The following CLEC4A variants were observed in gnomAD, a reference collection of about 807,000 sequenced individuals.
CLEC4A encodes the protein C-type (calcium dependent, carbohydrate-recognition domain) lectin, superfamily member 6.
A neutral mutation model predicts 32.7 loss-of-function variants in CLEC4A; 27 were observed. The observed-to-expected ratio is 0.83, with a 90% CI of 0.61 to 1.14. CLEC4A has a LOEUF of 1.14. Ranked by LOEUF, CLEC4A falls within the 50% of genes most tolerant of loss-of-function variation. CLEC4A has a pLI of 0.00. For synonymous variants in CLEC4A, 89 were observed against 93.7 expected (o/e 0.95, Z 0.29); for missense variants, 253 against 274.6 (o/e 0.92, Z 0.55).
intron 1 of CLEC4A, among the ~76,000 whole-genome samples, chr12:8,124,562 G>A (rs1443307583): frequency 6.6e-6 from 1 of 152,154 alleles, no homozygotes; most frequent in Non-Finnish European, 1.5e-5. Context: ...TTACGTTTGG[G>A]AGTAGATGCA....
At chr12:8,128,930 C>A (rs1785645986) in intron 2 of CLEC4A, among the ~76,000 whole-genome samples, 1 of 152,154 alleles carries the variant, frequency 6.6e-6, no homozygotes, top group Non-Finnish European at 1.5e-5. Flanking sequence ...TCCAAAGTCC[C>A]AGGGTGCGCA....
chr12:8,108,957 T>A, the CLEC4A span, among the ~76,000 whole-genome samples: 1 of 152,326 alleles, frequency 6.6e-6, no homozygotes, highest in East Asian at 1.9e-4. Flanking sequence ...AAGCACTTTG[T>A]GTCAGTGCTG....
chr12:8,120,883 G>A (rs139279138), upstream of CLEC4A: 7 of 152,218 alleles, frequency 4.6e-5, no homozygotes, highest in Non-Finnish European at 1.0e-4. Flanking sequence ...TGTAGACAAA[G>A]TATATTTCCC....
At chr12:8,108,404 C>T in the CLEC4A span, among the ~76,000 whole-genome samples, 1 of 152,144 alleles carries the variant, frequency 6.6e-6, no homozygotes, top group African/African-American at 2.4e-5. Flanking sequence ...GCACTTTGCT[C>T]ATGTTTTAGT....
rs369441210 is a variant in CLEC4A, at chr12:8,135,343, G to C, written c.299-242G>C. 2.9e-3 allele frequency among the ~76,000 whole-genome samples: 443 copies of C among 151,916 alleles called. 1 individual carries two copies. The highest frequency in any genetic ancestry group is 3.6e-3 in the Non-Finnish European group (243 of 67,960). On this transcript the variant is annotated intron_variant, in intron 3 of 5. Transcript: ENST00000229332. ...CTGGATCTTATTTAAACATGTTTTCGTAATAGCTGGGCTTTTCAGATGGCA... is the reference window on the plus strand; with the variant it reads ...CTGGATCTTATTTAAACATGTTTTCCTAATAGCTGGGCTTTTCAGATGGCA...
chr12:8,111,644 G>T, the CLEC4A span, among the ~76,000 whole-genome samples: 2 of 152,040 alleles, frequency 1.3e-5, no homozygotes, highest in Admixed American at 6.5e-5. Context: ...CTTATGTTTA[G>T]TTTATGTTTA....
At chr12:8,134,613 G>A in intron 3 of CLEC4A, 2 of 1,611,766 alleles carry the variant, frequency 1.2e-6, no homozygotes, top group Non-Finnish European at 1.7e-6. Context: ...CCCCACTCCA[G>A]TCTGAGGCCC....
Position 8,134,979 on chromosome 12 carries a change from G to GTTTTGTT in CLEC4A, c.299-602_299-601insGTTTTTT, listed in dbSNP as rs1948073835. On this transcript the variant is annotated intron_variant, in intron 3 of 5. Coordinates refer to ENST00000229332, the MANE Select transcript of CLEC4A (RefSeq NM_016184.4). ...TGTATCTTCTTGTTGAAGCGTTTTTGTTTTTTGTTTTTTTTTAATCATGGC... is the reference window on the plus strand; with the variant it reads ...TGTATCTTCTTGTTGAAGCGTTTTTGTTTTGTTTTTTTTGTTTTTTTTTAATCATGGC... 3.1e-4 allele frequency: 51 copies of GTTTTGTT among 165,982 alleles called. 3 individuals carry two copies. In the East Asian group the frequency reaches 4.1e-3, roughly 13 times the overall value. 10.3% of individuals were successfully genotyped at this position (165,982 alleles called of 1,614,324 possible). A position where few individuals can be genotyped will look rare whatever the true frequency, so the allele number is the denominator to read the frequency against.
At chr12:8,131,840 C>A (rs201693223) in intron 3 of CLEC4A, among the ~76,000 whole-genome samples, 100 of 125,354 alleles carry the variant, frequency 8.0e-4, no homozygotes, top group South Asian at 4.6e-3. Flanking sequence ...ATATATATAT[C>A]TCTTCAACTT....
chr12:8,134,677 C>G, intron 3 of CLEC4A: 1 of 1,581,414 alleles, frequency 6.3e-7, no homozygotes, highest in Non-Finnish European at 8.6e-7. Context: ...GGGGGAATCC[C>G]CCACTCCTCA....
At chr12:8,123,013 C>T (rs1591605526), upstream of CLEC4A, among the ~76,000 whole-genome samples, 1 of 152,032 alleles carries the variant, frequency 6.6e-6, no homozygotes, top group African/African-American at 2.4e-5. Flanking sequence ...TGGAAAAAGT[C>T]ATATTTAGTA....
rs757802094 is a variant in CLEC4A at position 8,135,737 on chromosome 12, G to T, written c.450+1G>T. On this transcript the variant is annotated splice_donor_variant, in intron 4 of 5. Transcript: ENST00000229332. LOFTEE classifies it high-confidence loss of function. ...GGTGATAAACACTCAAGAAGAGCAG[G>T]TACTTTCTAATAGATAATGGGGCTG... 1.2e-5 allele frequency: 19 copies of T among 1,613,762 alleles called. No homozygotes were observed. The highest frequency in any genetic ancestry group is 1.6e-5 in the Non-Finnish European group (19 of 1,179,786).
chr12:8,128,030 T>TG (rs1307903658), intron 2 of CLEC4A, among the ~76,000 whole-genome samples: 8 of 152,092 alleles, frequency 5.3e-5, no homozygotes, highest in Non-Finnish European at 1.0e-4. Context: ...CACATAGAGG[T>TG]AGCAGGTGAT....
the CLEC4A span, among the ~76,000 whole-genome samples, chr12:8,112,564 C>A: frequency 3.3e-5 from 5 of 151,790 alleles, no homozygotes; most frequent in African/African-American, 1.2e-4. Flanking sequence ...GTGCTCTTTT[C>A]ATATATTTAT....
rs755417960 is a variant in CLEC4A, at chr12:8,138,170, C to A, written c.597C>A (p.Pro199=). The stretch of plus-strand genomic sequence containing the variant: ...GGCATCCACGTGAGCCCAGTGATCC[C>A]AATGAGCGCTGCGTTGTGCTAAATT... ...TFWHPREPSD[P]NERCVVLNFR... The change falls in exon 6 of 6, where the codon CCC becomes CCA. Residue 199 remains proline (P), a synonymous_variant. Transcript: ENST00000229332. 2.5e-6 allele frequency: 4 copies of A among 1,614,036 alleles called. No homozygotes were observed. The South Asian group carries it at 4.4e-5, about 18-fold the overall frequency.
Position 8,138,336 on chromosome 12 carries a change from A to G in CLEC4A, c.*49A>G, listed in dbSNP as rs776060623. 3.0e-5 allele frequency: 48 copies of G among 1,603,896 alleles called. No homozygotes were observed. Among genetic ancestry groups the G allele is most frequent in the Non-Finnish European group, 3.9e-5 (46 of 1,173,202 alleles). ...TGGTTGGATTGGTATCTGTCATTGTAGGGATAGATAATAAGCTCTTCTTAT... is the reference window on the plus strand; with the variant it reads ...TGGTTGGATTGGTATCTGTCATTGTGGGGATAGATAATAAGCTCTTCTTAT... On this transcript the variant is annotated 3_prime_UTR_variant, in exon 6 of 6. Transcript: ENST00000229332.
chr12:8,103,373 G>GTTTTTTTTTTTTTTTT, the CLEC4A span, among the ~76,000 whole-genome samples: 208 of 78,008 alleles, frequency 2.7e-3, 46 homozygotes, highest in Admixed American at 4.4e-3. Flanking sequence ...GTTTCTTTCT[G>GTTTTTTTTTTTTTTTT]TTGTTTTTTT....
intron 4 of CLEC4A, among the ~76,000 whole-genome samples, 167 bp from the exon 5 acceptor site, chr12:8,136,621 G>GATGT (rs1474632026): frequency 6.6e-6 from 1 of 151,324 alleles, no homozygotes; most frequent in Non-Finnish European, 1.5e-5. Flanking sequence ...GCTTACAAGC[G>GATGT]ATGTCTTTGA....
At chr12:8,135,124 G>T (rs1357620867) in intron 3 of CLEC4A, among the ~76,000 whole-genome samples, 1 of 120,536 alleles carries the variant, frequency 8.3e-6, no homozygotes, top group Non-Finnish European at 1.6e-5. Flanking sequence ...GGGATCAAGC[G>T]ATTCTTCTGC....
Sources: gnomAD v4.1 joint callset for allele counts (sites outside exome capture counted in the v4.1 genomes callset) on GRCh38, gnomAD v4.1.1 for gene constraint, MANE v1.5 for transcripts, NCBI Gene and HGNC (gene_info 2026-07-23, HGNC 2026-07-21) for gene names.